PDE7B: variants seen among roughly 807,000 people sequenced by gnomAD.
PDE7B encodes 3',5'-cyclic-AMP phosphodiesterase 7B.
Under a neutral mutation model 56.2 loss-of-function variants are expected in PDE7B, and 29 were observed. The ratio of observed to expected loss-of-function variants is 0.52; its 90% CI spans 0.38 to 0.70. The LOEUF is 0.70. PDE7B is among the 30% of genes least tolerant of loss of function. The probability of loss-of-function intolerance (pLI) is 0.00; values close to 1 mark genes in which losing one functional copy is unlikely to be tolerated. For synonymous variants in PDE7B, 197 were observed against 196.9 expected (o/e 1.00, Z 0.00); for missense variants, 490 against 565.0 (o/e 0.87, Z 1.35).
intron 1 of PDE7B, among the ~76,000 whole-genome samples, chr6:135,930,851 T>TG (rs1411420889): frequency 3.9e-5 from 6 of 152,208 alleles, no homozygotes; most frequent in Non-Finnish European, 7.3e-5. Context: ...TGAGGCTACT[T>TG]GGAGTTCTAT....
In PDE7B at chr6:136,181,331, G is replaced by C. The variant is rs763971678; in HGVS notation, c.1045+8G>C. On this transcript the variant is annotated splice_region_variant and intron_variant, in intron 11 of 12. Transcript: ENST00000308191. ...AAGAATTCTACAGGCAAGGTTAGTA[G>C]TGATCCAACAGCTGAGATTTCATTG... 30 of 1,533,534 alleles carry C rather than the reference G, an allele frequency of 2.0e-5. No homozygotes were observed. The South Asian group carries it at 2.9e-4, about 15-fold the overall frequency. The allele number at this position is 1,533,534 out of a possible 1,614,324, so 95.0% of individuals were successfully genotyped here. A position where few individuals can be genotyped will look rare whatever the true frequency, so the allele number is the denominator to read the frequency against.
chr6:136,014,656 C>T (rs1047333456), intron 2 of PDE7B, among the ~76,000 whole-genome samples: 2 of 152,090 alleles, frequency 1.3e-5, no homozygotes, highest in African/African-American at 4.8e-5. Flanking sequence ...AGGGGGCAGC[C>T]AAAGCAGACA....
At position 136,032,015 on chromosome 6, in the gene PDE7B, T is replaced by G. The variant is rs148552315; in HGVS notation, c.83-76716T>G. Among the ~76,000 whole-genome samples, 18 of 152,332 alleles carry G rather than the reference T, an allele frequency of 1.2e-4. No individual in the cohort carries two copies. The East Asian group carries it at 3.3e-3, about 28-fold the overall frequency. On this transcript the variant is annotated intron_variant, in intron 2 of 12. Transcript: ENST00000308191. ...TCTCACTTATTTTAAAAAATTAACATATTTCAGACTTTGTACAGGCCACTT... is the reference window on the plus strand; with the variant it reads ...TCTCACTTATTTTAAAAAATTAACAGATTTCAGACTTTGTACAGGCCACTT...
At chr6:136,175,161 T>C (rs1412467636) in intron 9 of PDE7B, among the ~76,000 whole-genome samples, 1 of 152,222 alleles carries the variant, frequency 6.6e-6, no homozygotes, top group Non-Finnish European at 1.5e-5. Flanking sequence ...TGGATTCCAA[T>C]GAAAAATATA....
At chr6:136,165,611 T>C (rs1583919026) in intron 8 of PDE7B, 1 of 152,188 alleles carries the variant, frequency 6.6e-6, no homozygotes, top group Admixed American at 6.5e-5. Context: ...CTGTCATCTC[T>C]TGGTAGGGCA....
At chr6:136,059,463 A>G (rs1037279088) in intron 2 of PDE7B, among the ~76,000 whole-genome samples, 1 of 152,162 alleles carries the variant, frequency 6.6e-6, no homozygotes, top group Non-Finnish European at 1.5e-5. Context: ...AGCCAGACAA[A>G]CTGGATGCTG....
intron 4 of PDE7B, 27 bp from the exon 5 acceptor site, chr6:136,149,060 C>T (rs758477416): frequency 2.6e-6 from 4 of 1,538,524 alleles, no homozygotes; most frequent in Non-Finnish European, 3.6e-6. Context: ...GATTCATTTG[C>T]GTGCTGTTTT....
chr6:136,151,854 C>G (rs1778524448), intron 6 of PDE7B, among the ~76,000 whole-genome samples: 1 of 150,512 alleles, frequency 6.6e-6, no homozygotes, highest in African/African-American at 2.5e-5. Context: ...CAGGGAGAAT[C>G]ACTTGAACCC....
chr6:136,111,904 TTC>T (rs1194125578), intron 3 of PDE7B, among the ~76,000 whole-genome samples: 2 of 152,170 alleles, frequency 1.3e-5, no homozygotes, highest in East Asian at 3.8e-4. Flanking sequence ...TGCAGTTTTG[TTC>T]TCTCTCCCAC....
intron 8 of PDE7B, among the ~76,000 whole-genome samples, chr6:136,156,548 G>A (rs1292496255): frequency 6.6e-6 from 1 of 152,038 alleles, no homozygotes; most frequent in African/African-American, 2.4e-5. Flanking sequence ...GAGAAATTGG[G>A]GTATAGGTCT....
At chr6:136,180,640 G>A (rs996700480) in intron 10 of PDE7B, among the ~76,000 whole-genome samples, 8 of 152,090 alleles carry the variant, frequency 5.3e-5, no homozygotes, top group Non-Finnish European at 5.9e-5. Context: ...ACCCTCATAG[G>A]GTCATCATTA....
intron 2 of PDE7B, among the ~76,000 whole-genome samples, chr6:136,087,409 CT>C (rs1022408263): frequency 3.4e-4 from 52 of 151,934 alleles, no homozygotes; most frequent in African/African-American, 1.2e-3. Context: ...CCCTAAGAAA[CT>C]TTTTTACTTC....
intron 2 of PDE7B, among the ~76,000 whole-genome samples, chr6:136,059,528 G>A (rs1349618978): frequency 6.6e-6 from 1 of 152,184 alleles, no homozygotes; most frequent in African/African-American, 2.4e-5. Flanking sequence ...GCTTGAAACA[G>A]AGCCCGCATT....
intron 1 of PDE7B, among the ~76,000 whole-genome samples, chr6:135,894,970 C>A (rs992890215): frequency 6.6e-6 from 1 of 151,948 alleles, no homozygotes; most frequent in Admixed American, 6.6e-5. Context: ...ATAATTTGAT[C>A]AAATGCCTTT....
At chr6:135,890,542 C>A (rs533148825) in intron 1 of PDE7B, among the ~76,000 whole-genome samples, 1 of 152,266 alleles carries the variant, frequency 6.6e-6, no homozygotes, top group East Asian at 1.9e-4. Flanking sequence ...TAACCCAGCA[C>A]GCAGTGGGTA....
intron 2 of PDE7B, among the ~76,000 whole-genome samples, chr6:136,022,518 AC>A (rs1393443164): frequency 6.6e-6 from 1 of 152,142 alleles, no homozygotes; most frequent in Non-Finnish European, 1.5e-5. Flanking sequence ...ATTTGGGGGC[AC>A]CTATTTATTA....
At chr6:135,977,312 C>T (rs1162387432) in intron 2 of PDE7B, among the ~76,000 whole-genome samples, 1 of 152,000 alleles carries the variant, frequency 6.6e-6, no homozygotes, top group African/African-American at 2.4e-5. Context: ...ATATGGTTCA[C>T]CTCCAGAGAA....
In PDE7B at chr6:136,076,243, G is replaced by T. The variant is rs1428605432; in HGVS notation, c.83-32488G>T. Reference sequence around the variant, plus strand: ...CCCAGCACTTTGGGAGGCCAATGCAGGTGGATCACTTGAGAGGTCAGGAGT... The same window carrying T: ...CCCAGCACTTTGGGAGGCCAATGCATGTGGATCACTTGAGAGGTCAGGAGT... On this transcript the variant is annotated intron_variant, in intron 2 of 12. Coordinates refer to ENST00000308191, the MANE Select transcript of PDE7B (RefSeq NM_018945.4). Among the ~76,000 whole-genome samples the T allele has an allele frequency of 3.3e-5, 5 of 152,188 alleles. No individual in the cohort carries two copies. The South Asian group carries it at 1.0e-3, about 32-fold the overall frequency.
At chr6:135,983,490 C>T (rs1032128685) in intron 2 of PDE7B, among the ~76,000 whole-genome samples, 17 of 152,136 alleles carry the variant, frequency 1.1e-4, no homozygotes, top group Admixed American at 9.2e-4. Flanking sequence ...TGGGCAGTAT[C>T]GAGTACTTGA....
Sources: allele counts gnomAD v4.1 joint callset (sites outside exome capture counted in the v4.1 genomes callset), GRCh38; gene constraint gnomAD v4.1.1; transcripts MANE v1.5; gene names NCBI Gene and HGNC (gene_info 2026-07-23, HGNC 2026-07-21).